Variants in CAST observed in about 807,000 individuals in gnomAD.
CAST encodes the protein MIR583 host.
CAST carries 76 observed loss-of-function variants against 119.6 expected under a neutral mutation model. The observed-to-expected ratio is 0.64, with a 90% CI of 0.53 to 0.77. CAST has a LOEUF of 0.77. CAST is among the 30% of genes least tolerant of loss of function. The pLI is 0.00. For synonymous variants in CAST, 319 were observed against 331.6 expected (o/e 0.96, Z 0.41); for missense variants, 953 against 946.5 (o/e 1.01, Z -0.09).
At chr5:96,020,622 T>G in the CAST span, among the ~76,000 whole-genome samples, 2 of 152,192 alleles carry the variant, frequency 1.3e-5, no homozygotes, top group Non-Finnish European at 2.9e-5. Context: ...TTTGCGAGAA[T>G]CTAATGCTTG....
At chr5:96,656,567 G>A (rs776529602) in intron 1 of CAST, among the ~76,000 whole-genome samples, 6 of 152,080 alleles carry the variant, frequency 3.9e-5, no homozygotes, top group East Asian at 1.9e-4. Context: ...CATGCTTCAC[G>A]TTACGGTTTT....
the CAST span, among the ~76,000 whole-genome samples, chr5:96,412,757 T>TTTTTTTTTG: frequency 6.4e-5 from 9 of 141,670 alleles, no homozygotes; most frequent in African/African-American, 2.6e-4. Flanking sequence ...GTGATGTTTT[T>TTTTTTTTTG]TTTTTTTTTT....
chr5:96,310,822 G>A, the CAST span, among the ~76,000 whole-genome samples: 1 of 146,876 alleles, frequency 6.8e-6, no homozygotes, highest in Non-Finnish European at 1.5e-5. Context: ...TTTTTCTCTT[G>A]GTTAGTCTAG....
chr5:96,084,422 A>T, the CAST span, among the ~76,000 whole-genome samples: 1 of 152,222 alleles, frequency 6.6e-6, no homozygotes, highest in Non-Finnish European at 1.5e-5. Context: ...GGAGTGGGTT[A>T]GTAGAGATAA....
the CAST span, among the ~76,000 whole-genome samples, chr5:96,164,659 C>A: frequency 0.31 from 47,295 of 151,878 alleles, 7,579 homozygotes; most frequent in Middle Eastern, 0.39. Context: ...ATAGCCTGAA[C>A]GTTGTGTTAG....
chr5:96,289,983 G>T, the CAST span, among the ~76,000 whole-genome samples: 1 of 151,856 alleles, frequency 6.6e-6, no homozygotes, highest in Non-Finnish European at 1.5e-5. Context: ...CCAATGGATT[G>T]AGTCATCCAA....
chr5:96,596,416 A>T (rs1034427852), intron 1 of CAST, among the ~76,000 whole-genome samples: 5 of 152,054 alleles, frequency 3.3e-5, no homozygotes, highest in African/African-American at 1.2e-4. Context: ...AGAAGGAACG[A>T]CCCCACCAAC....
At chr5:96,442,442 C>T in the CAST span, among the ~76,000 whole-genome samples, 1 of 152,202 alleles carries the variant, frequency 6.6e-6, no homozygotes, top group African/African-American at 2.4e-5. Flanking sequence ...TTTTAGATTA[C>T]ACTCAGAAGC....
chr5:96,194,566 A>T, the CAST span, among the ~76,000 whole-genome samples: 2 of 152,210 alleles, frequency 1.3e-5, no homozygotes, highest in African/African-American at 4.8e-5. Flanking sequence ...GAAGTTCATC[A>T]ACATAGGATT....
intron 1 of CAST, among the ~76,000 whole-genome samples, chr5:96,530,330 T>C (rs899054643): frequency 3.3e-5 from 5 of 152,006 alleles, no homozygotes; most frequent in African/African-American, 1.2e-4. Flanking sequence ...GGAAACAGGA[T>C]GTGAAAAGAC....
the CAST span, among the ~76,000 whole-genome samples, chr5:96,206,459 C>T: frequency 6.6e-6 from 1 of 152,036 alleles, no homozygotes; most frequent in Non-Finnish European, 1.5e-5. Context: ...AGTCTTTAAT[C>T]CTTCTTGAGT....
the CAST span, among the ~76,000 whole-genome samples, chr5:96,138,735 AT>A: frequency 2.0e-5 from 3 of 151,868 alleles, no homozygotes; most frequent in African/African-American, 7.2e-5. Context: ...AAATGGTATT[AT>A]TTTTTAAGCT....
chr5:96,509,866 C>T, the CAST span, among the ~76,000 whole-genome samples: 6 of 152,168 alleles, frequency 3.9e-5, no homozygotes, highest in Admixed American at 3.3e-4. Flanking sequence ...TTCCCAACAA[C>T]CTCTAAACCA....
At chr5:96,521,504 G>T (rs1424361228), upstream of CAST, among the ~76,000 whole-genome samples, 2 of 152,020 alleles carry the variant, frequency 1.3e-5, no homozygotes, top group Non-Finnish European at 1.5e-5. Flanking sequence ...CTTCTATTTT[G>T]TTCATGACCA....
At chr5:96,218,377 A>T in the CAST span, among the ~76,000 whole-genome samples, 1 of 152,252 alleles carries the variant, frequency 6.6e-6, no homozygotes, top group Non-Finnish European at 1.5e-5. Flanking sequence ...ACATGGAAAT[A>T]ATGTATTACA....
chr5:96,420,424 A>G, the CAST span, among the ~76,000 whole-genome samples: 1 of 152,160 alleles, frequency 6.6e-6, no homozygotes, highest in Non-Finnish European at 1.5e-5. Context: ...CTCCAAAGGT[A>G]CCCTTGCCAG....
At chr5:96,141,088 A>G in the CAST span, among the ~76,000 whole-genome samples, 1 of 152,228 alleles carries the variant, frequency 6.6e-6, no homozygotes, top group Non-Finnish European at 1.5e-5. Flanking sequence ...TGTCAGATAA[A>G]TGTATATTCA....
chr5:96,110,114 C>T, the CAST span, among the ~76,000 whole-genome samples: 1 of 152,110 alleles, frequency 6.6e-6, no homozygotes, highest in Non-Finnish European at 1.5e-5. Flanking sequence ...ACTCTCCATA[C>T]ATTAGAGAAT....
intron 1 of CAST, among the ~76,000 whole-genome samples, chr5:96,548,558 G>A (rs929136482): frequency 1.3e-5 from 2 of 152,046 alleles, no homozygotes; most frequent in African/African-American, 4.8e-5. Flanking sequence ...TGGCTGTTAA[G>A]TGCTGCTGCG....
Sources: allele counts gnomAD v4.1 joint callset (sites outside exome capture counted in the v4.1 genomes callset), GRCh38; gene constraint gnomAD v4.1.1; transcripts MANE v1.5; gene names NCBI Gene and HGNC (gene_info 2026-07-23, HGNC 2026-07-21).